The following PEBP4 variants were observed in gnomAD, a reference collection of about 807,000 sequenced individuals.
The protein encoded by PEBP4 is phosphatidylethanolamine binding protein 4, also known as phosphatidylethanolamine-binding protein 4.
A neutral mutation model predicts 23.9 loss-of-function variants in PEBP4; 22 were observed. That is an observed-to-expected ratio of 0.92 (90% CI 0.66 to 1.31). PEBP4 has a LOEUF of 1.31. Ranked by LOEUF, PEBP4 falls within the 40% of genes most tolerant of loss-of-function variation. The pLI, the probability that PEBP4 is intolerant of heterozygous loss-of-function variation, is 0.00. For missense variants in PEBP4, 324 were observed against 281.7 expected (o/e 1.15, Z -1.07); for synonymous variants, 112 against 99.3 (o/e 1.13, Z -0.76).
rs191231677 is a variant in PEBP4 at position 22,865,105 on chromosome 8, G to T, written c.259-47370C>A. 2.0e-5 allele frequency among the ~76,000 whole-genome samples: 3 copies of T among 152,164 alleles called. No individual in the cohort carries two copies. In the East Asian group the frequency reaches 5.8e-4, roughly 29 times the overall value. ...ACGCCGAGCCCTGGATGCGAGGTGGGGGTAGACAGAAGGGCTGGGGCGGCC... is the reference window on the plus strand; with the variant it reads ...ACGCCGAGCCCTGGATGCGAGGTGGTGGTAGACAGAAGGGCTGGGGCGGCC... On this transcript the variant is annotated intron_variant, in intron 3 of 6. Transcript: ENST00000256404. This position sits in a 1 kb window ranked among gnomAD's most constrained non-coding sequence, Gnocchi z 6.9.
chr8:22,747,127 A>C (rs1386365842), intron 4 of PEBP4, among the ~76,000 whole-genome samples: 1 of 152,156 alleles, frequency 6.6e-6, no homozygotes, highest in East Asian at 1.9e-4. Flanking sequence ...CCATACCTGG[A>C]ATTATTTATT....
intron 3 of PEBP4, among the ~76,000 whole-genome samples, chr8:22,843,040 C>G (rs1451292209): frequency 1.3e-5 from 2 of 152,210 alleles, no homozygotes; most frequent in Non-Finnish European, 2.9e-5. Context: ...GTTGGCCAGG[C>G]TGGTCTCGAA....
chr8:22,835,465 C>G (rs548505580), intron 3 of PEBP4, among the ~76,000 whole-genome samples: 1 of 152,160 alleles, frequency 6.6e-6, no homozygotes, highest in Admixed American at 6.5e-5. Context: ...ATAAGCGGCC[C>G]GGGAACACTG....
At chr8:22,747,298 C>A (rs1475451323) in intron 4 of PEBP4, among the ~76,000 whole-genome samples, 2 of 152,184 alleles carry the variant, frequency 1.3e-5, no homozygotes, top group South Asian at 2.1e-4. Context: ...GTGCCCCCAC[C>A]CTTGTTCAGG....
intron 4 of PEBP4, among the ~76,000 whole-genome samples, chr8:22,739,047 C>G (rs1459797695): frequency 6.6e-6 from 1 of 152,162 alleles, no homozygotes; most frequent in African/African-American, 2.4e-5. Context: ...AGGCCCCTGG[C>G]AGGGGGCCAG....
chr8:22,834,106 C>T lies in PEBP4; in HGVS notation c.259-16371G>A, dbSNP rs539998942. On this transcript the variant is annotated intron_variant, in intron 3 of 6. Coordinates refer to ENST00000256404, the MANE Select transcript of PEBP4 (RefSeq NM_144962.3). ...CTGGGTCCTGGAGATGAAGGGGATC[C>T]AGCACCCAATTGAGAAGCTGAAGTC... Among the ~76,000 whole-genome samples, 5 of 152,316 alleles carry T rather than the reference C, an allele frequency of 3.3e-5. 1 individual carries two copies. The South Asian group carries it at 1.0e-3, about 32-fold the overall frequency.
At chr8:22,795,597 A>C (rs754166920) in intron 4 of PEBP4, among the ~76,000 whole-genome samples, 1 of 152,230 alleles carries the variant, frequency 6.6e-6, no homozygotes, top group Admixed American at 6.5e-5. Flanking sequence ...GGTGCACTTT[A>C]GAATCACCTT....
chr8:22,816,963 G>T (rs1024955506), intron 4 of PEBP4, among the ~76,000 whole-genome samples: 8 of 152,202 alleles, frequency 5.3e-5, no homozygotes, highest in Admixed American at 3.9e-4. Context: ...AATGAATTCA[G>T]TTCAACTCAG....
At chr8:22,914,470 G>A (rs992294889) in intron 3 of PEBP4, among the ~76,000 whole-genome samples, 11 of 152,028 alleles carry the variant, frequency 7.2e-5, no homozygotes, top group East Asian at 1.9e-4. Context: ...CTGGCAAAGC[G>A]GTGGTGTGAG....
At chr8:22,719,474 G>T (rs1804478208) in intron 6 of PEBP4, among the ~76,000 whole-genome samples, 1 of 152,216 alleles carries the variant, frequency 6.6e-6, no homozygotes, top group South Asian at 2.1e-4. Context: ...CAGCCAGGGA[G>T]GGGGTGTGTG....
upstream of PEBP4, among the ~76,000 whole-genome samples, chr8:22,931,617 G>A (rs925768636): frequency 4.0e-5 from 6 of 151,736 alleles, no homozygotes; most frequent in East Asian, 1.9e-4. Context: ...GTGGAGTCTC[G>A]CTGTCACCGG....
chr8:22,805,083 TCTC>T (rs1445662521), intron 4 of PEBP4, among the ~76,000 whole-genome samples: 1 of 152,148 alleles, frequency 6.6e-6, no homozygotes, highest in Non-Finnish European at 1.5e-5. Context: ...CATTGATTTT[TCTC>T]CTCTGCTCCC....
chr8:22,768,748 G>A (rs1563210310), intron 4 of PEBP4, among the ~76,000 whole-genome samples: 1 of 152,034 alleles, frequency 6.6e-6, no homozygotes, highest in African/African-American at 2.4e-5. Flanking sequence ...GTGGGGGCGG[G>A]CTTTTTGTTG....
At chr8:22,881,233 C>T (rs1334005617) in intron 3 of PEBP4, among the ~76,000 whole-genome samples, 1 of 152,222 alleles carries the variant, frequency 6.6e-6, no homozygotes, top group African/African-American at 2.4e-5. Context: ...CACATCCTCC[C>T]TTTCTCCATC....
chr8:22,862,544 T>A (rs544665615), intron 3 of PEBP4, among the ~76,000 whole-genome samples: 62 of 152,180 alleles, frequency 4.1e-4, no homozygotes, highest in Non-Finnish European at 6.6e-4. Context: ...ATAACAAGGA[T>A]AGGATAGAGG....
chr8:22,860,162 A>G (rs1278787667), intron 3 of PEBP4, among the ~76,000 whole-genome samples: 1 of 129,286 alleles, frequency 7.7e-6, no homozygotes, highest in African/African-American at 2.7e-5. Context: ...ATATACACAT[A>G]TATATGTATA....
chr8:22,876,844 T>C (rs143798523), intron 3 of PEBP4, among the ~76,000 whole-genome samples: 1,661 of 152,356 alleles, frequency 0.011, 33 homozygotes, highest in African/African-American at 0.038. Flanking sequence ...TTTCTGTTAA[T>C]GTTCAGGGTA....
intron 2 of PEBP4, among the ~76,000 whole-genome samples, chr8:22,927,147 A>T (rs915421036): frequency 6.6e-6 from 1 of 152,216 alleles, no homozygotes; most frequent in African/African-American, 2.4e-5. Context: ...CCTATCACTG[A>T]CAAAAACCTC....
At chr8:22,750,783 A>G (rs1370549770) in intron 4 of PEBP4, among the ~76,000 whole-genome samples, 1 of 152,204 alleles carries the variant, frequency 6.6e-6, no homozygotes, top group East Asian at 1.9e-4. Context: ...CAAAGGGGTC[A>G]GTCTGTACAG....
Sources: allele counts gnomAD v4.1 joint callset (sites outside exome capture counted in the v4.1 genomes callset), GRCh38; gene constraint gnomAD v4.1.1; non-coding constraint Gnocchi (gnomAD v3.1); transcripts MANE v1.5; gene names NCBI Gene and HGNC (gene_info 2026-07-23, HGNC 2026-07-21).